The following LRFN5 variants were observed in gnomAD, a reference collection of about 807,000 sequenced individuals.
LRFN5 encodes leucine-rich repeat and fibronectin type-III domain-containing protein 5.
A neutral mutation model predicts 45.6 loss-of-function variants in LRFN5; 24 were observed. The observed-to-expected ratio is 0.53, with a 90% CI of 0.38 to 0.74. The LOEUF is 0.74. Ranked by LOEUF, LRFN5 falls within the 30% of genes least tolerant of loss-of-function variation. The probability of loss-of-function intolerance (pLI) is 0.00; values close to 1 mark genes in which losing one functional copy is unlikely to be tolerated. For missense variants in LRFN5, 776 were observed against 861.5 expected (o/e 0.90, Z 1.24); for synonymous variants, 340 against 313.8 (o/e 1.08, Z -0.88).
chr14:41,705,754 C>T (rs1193165597), intron 1 of LRFN5, among the ~76,000 whole-genome samples: 1 of 152,120 alleles, frequency 6.6e-6, no homozygotes, highest in Non-Finnish European at 1.5e-5. Context: ...ACAGGGTTTA[C>T]ACATTTATAG....
chr14:41,609,304 C>A (rs566926053), intron 1 of LRFN5, among the ~76,000 whole-genome samples: 1 of 151,432 alleles, frequency 6.6e-6, no homozygotes, highest in Non-Finnish European at 1.5e-5. Flanking sequence ...GGACACGCAA[C>A]TCCTTTGCGC....
intron 1 of LRFN5, among the ~76,000 whole-genome samples, chr14:41,625,852 TAAC>T (rs996643515): frequency 3.3e-5 from 5 of 152,122 alleles, no homozygotes; most frequent in Non-Finnish European, 7.4e-5. Context: ...GTAGGTTTCT[TAAC>T]AATCTTATTC....
At chr14:41,877,450 G>T (rs1370397746) in intron 2 of LRFN5, among the ~76,000 whole-genome samples, 1 of 151,982 alleles carries the variant, frequency 6.6e-6, no homozygotes, top group African/African-American at 2.4e-5. Context: ...GACAAATTTT[G>T]TTTCCTCATC....
chr14:41,644,821 G>A (rs984604598), intron 1 of LRFN5, among the ~76,000 whole-genome samples: 1 of 152,198 alleles, frequency 6.6e-6, no homozygotes, highest in East Asian at 1.9e-4. Flanking sequence ...GAGAATCTTG[G>A]CTGAAGATGT....
intron 5 of LRFN5, among the ~76,000 whole-genome samples, chr14:41,903,157 T>C (rs1247017851): frequency 2.0e-5 from 3 of 151,546 alleles, no homozygotes; most frequent in African/African-American, 7.2e-5. Flanking sequence ...TATTTTGAAA[T>C]GTTTTCTTAA....
chr14:41,877,680 A>C (rs972574166), intron 2 of LRFN5, among the ~76,000 whole-genome samples: 3 of 152,044 alleles, frequency 2.0e-5, no homozygotes, highest in African/African-American at 7.2e-5. Flanking sequence ...ACAGGATACT[A>C]TATTAAGAAC....
intron 1 of LRFN5, among the ~76,000 whole-genome samples, chr14:41,645,808 A>G (rs1188352527): frequency 6.6e-6 from 1 of 151,706 alleles, no homozygotes; most frequent in East Asian, 1.9e-4. Flanking sequence ...ATTTTCACAT[A>G]CTCTTCTGTG....
chr14:41,692,582 C>G (rs1252960020), intron 1 of LRFN5, among the ~76,000 whole-genome samples: 1 of 152,088 alleles, frequency 6.6e-6, no homozygotes, highest in East Asian at 1.9e-4. Flanking sequence ...CACACCACAA[C>G]AGGCCCCAGT....
At chr14:41,740,057 C>G (rs933159862) in intron 1 of LRFN5, among the ~76,000 whole-genome samples, 4 of 151,976 alleles carry the variant, frequency 2.6e-5, no homozygotes, top group Admixed American at 2.6e-4. Flanking sequence ...CAATAAAAAA[C>G]TTTCAAAAAT....
rs540320080 is a variant in LRFN5, at chr14:41,654,088, A to G, written c.-197+45526A>G. Among the ~76,000 whole-genome samples, 6 of 152,078 alleles carry G rather than the reference A, an allele frequency of 3.9e-5. No homozygotes were observed. The East Asian group carries it at 1.2e-3, about 29-fold the overall frequency. ...GGGGAGGGATAGCATTAGGAGATATACCTAATGTAAATGATGAGTTAATGG... is the reference window on the plus strand; with the variant it reads ...GGGGAGGGATAGCATTAGGAGATATGCCTAATGTAAATGATGAGTTAATGG... On this transcript the variant is annotated intron_variant, in intron 1 of 5. Transcript: ENST00000298119.
intron 2 of LRFN5, among the ~76,000 whole-genome samples, chr14:41,879,313 G>C (rs1157414073): frequency 1.3e-5 from 2 of 151,474 alleles, no homozygotes; most frequent in Admixed American, 6.6e-5. Context: ...TCTTCCTTTG[G>C]AGCAAATATT....
At chr14:41,826,614 T>C (rs1387530816) in intron 2 of LRFN5, among the ~76,000 whole-genome samples, 1 of 152,150 alleles carries the variant, frequency 6.6e-6, no homozygotes, top group African/African-American at 2.4e-5. Flanking sequence ...CGATGTTGAA[T>C]ATATATGTCA....
chr14:41,851,669 GTAATTT>G (rs1440806549), intron 2 of LRFN5, among the ~76,000 whole-genome samples: 2 of 151,796 alleles, frequency 1.3e-5, no homozygotes, highest in Non-Finnish European at 3.0e-5. Flanking sequence ...TGCTGTAAAT[GTAATTT>G]TAAGTTTAAT....
intron 1 of LRFN5, among the ~76,000 whole-genome samples, chr14:41,648,437 C>T (rs1272321305): frequency 4.0e-5 from 6 of 151,866 alleles, no homozygotes; most frequent in African/African-American, 1.5e-4. Context: ...TAATCTTAGT[C>T]TAGGCAACCA....
At chr14:41,756,349 C>T (rs1885381113) in intron 1 of LRFN5, among the ~76,000 whole-genome samples, 1 of 152,178 alleles carries the variant, frequency 6.6e-6, no homozygotes, top group African/African-American at 2.4e-5. Context: ...TGGATAATAT[C>T]CTGCAGAGGT....
intron 1 of LRFN5, among the ~76,000 whole-genome samples, chr14:41,647,673 G>C (rs1183085709): frequency 1.3e-5 from 2 of 152,162 alleles, no homozygotes; most frequent in Non-Finnish European, 2.9e-5. Flanking sequence ...AAGTGTTCAG[G>C]TTTGGGCATG....
At chr14:41,677,774 T>C (rs898835727) in intron 1 of LRFN5, among the ~76,000 whole-genome samples, 4 of 152,054 alleles carry the variant, frequency 2.6e-5, no homozygotes, top group Non-Finnish European at 5.9e-5. Flanking sequence ...AATATATATA[T>C]GTTGTGAGTA....
intron 2 of LRFN5, among the ~76,000 whole-genome samples, chr14:41,784,434 T>A (rs1886644310): frequency 6.6e-6 from 1 of 152,108 alleles, no homozygotes; most frequent in African/African-American, 2.4e-5. Context: ...AGGTTTACCC[T>A]CATACTCATG....
chr14:41,695,397 C>A (rs996637200), intron 1 of LRFN5, among the ~76,000 whole-genome samples: 2 of 151,956 alleles, frequency 1.3e-5, no homozygotes, highest in African/African-American at 4.8e-5. Context: ...CACTAAATAG[C>A]AGATTTTCAA....
Sources: allele counts gnomAD v4.1 joint callset (sites outside exome capture counted in the v4.1 genomes callset), GRCh38; gene constraint gnomAD v4.1.1; transcripts MANE v1.5; gene names NCBI Gene and HGNC (gene_info 2026-07-23, HGNC 2026-07-21).